The following RBMS3 variants were observed in gnomAD, a reference collection of about 807,000 sequenced individuals.
RBMS3 encodes RNA-binding motif, single-stranded-interacting protein 3.
Under a neutral mutation model 66.8 loss-of-function variants are expected in RBMS3, and 27 were observed. That is an observed-to-expected ratio of 0.40 (90% CI 0.30 to 0.56). The LOEUF is 0.56. Among genes scored for constraint, RBMS3 ranks in the 20% least tolerant of loss-of-function variants. The pLI is 0.40. For missense variants in RBMS3, 513 were observed against 549.5 expected, an observed-to-expected ratio of 0.93 and a Z score of 0.66; for synonymous variants, 188 against 183.0, an observed-to-expected ratio of 1.03 and a Z score of -0.22.
intron 1 of RBMS3, among the ~76,000 whole-genome samples, chr3:29,363,882 A>G (rs1039294177): frequency 6.6e-6 from 1 of 151,566 alleles, no homozygotes; most frequent in African/African-American, 2.4e-5. Flanking sequence ...TTTTTTTGCT[A>G]TCAAATAGGA....
chr3:29,720,742 T>C (rs1284920037), intron 4 of RBMS3, among the ~76,000 whole-genome samples: 17 of 134,766 alleles, frequency 1.3e-4, no homozygotes, highest in Admixed American at 1.2e-3. Context: ...TTTCATTCTA[T>C]GGTAATCTTT....
intron 10 of RBMS3, among the ~76,000 whole-genome samples, chr3:29,914,994 C>T (rs188223437): frequency 6.6e-6 from 1 of 151,766 alleles, no homozygotes; most frequent in East Asian, 1.9e-4. Flanking sequence ...AAGCAATAAA[C>T]CTTTGCCAAG....
intron 2 of RBMS3, among the ~76,000 whole-genome samples, chr3:29,460,194 C>A (rs1317654605): frequency 6.6e-6 from 1 of 152,190 alleles, no homozygotes; most frequent in Non-Finnish European, 1.5e-5. Context: ...AATATGTTCA[C>A]CATCCCAAAG....
At chr3:29,477,233 T>C (rs1866298) in intron 2 of RBMS3, among the ~76,000 whole-genome samples, 138,996 of 152,204 alleles carry the variant, frequency 0.91, 63,613 homozygotes, top group African/African-American at 0.97. Context: ...GAAGGAAATG[T>C]GCTCAATATA....
chr3:29,568,155 A>T (rs1356605966), intron 3 of RBMS3, among the ~76,000 whole-genome samples: 3 of 152,186 alleles, frequency 2.0e-5, no homozygotes, highest in Admixed American at 6.6e-5. Context: ...TCCTCAAATG[A>T]ACATTACTTT....
chr3:29,918,663 C>T (rs1170205017), intron 10 of RBMS3, among the ~76,000 whole-genome samples: 1 of 151,974 alleles, frequency 6.6e-6, no homozygotes, highest in Non-Finnish European at 1.5e-5. Flanking sequence ...ACTGTTTGCA[C>T]TTTATAAAAA....
At chr3:29,746,974 T>C (rs926776100) in intron 5 of RBMS3, among the ~76,000 whole-genome samples, 2 of 152,188 alleles carry the variant, frequency 1.3e-5, no homozygotes, top group African/African-American at 4.8e-5. Context: ...ACCTCCAGAT[T>C]AGAAATGGTG....
intron 2 of RBMS3, among the ~76,000 whole-genome samples, chr3:29,443,736 A>T (rs1461189445): frequency 6.6e-6 from 1 of 152,152 alleles, no homozygotes; most frequent in Non-Finnish European, 1.5e-5. Flanking sequence ...TACAGGAAGG[A>T]GGTGGTGATG....
chr3:29,943,156 G>A (rs893914025), intron 11 of RBMS3, among the ~76,000 whole-genome samples: 7 of 151,800 alleles, frequency 4.6e-5, no homozygotes, highest in Admixed American at 2.6e-4. Flanking sequence ...TGAGAAATAC[G>A]TGATAGTCCA....
chr3:29,653,198 G>C (rs2050203268), intron 4 of RBMS3, among the ~76,000 whole-genome samples: 1 of 152,126 alleles, frequency 6.6e-6, no homozygotes, highest in African/African-American at 2.4e-5. Context: ...TTCTAGATCT[G>C]TTGCTTATTA....
At chr3:29,921,487 T>A (rs4358261) in intron 10 of RBMS3, among the ~76,000 whole-genome samples, 20,483 of 101,270 alleles carry the variant, frequency 0.2, 1,835 homozygotes, top group Non-Finnish European at 0.25. Flanking sequence ...ACTGACAGAC[T>A]GTTTGGCAGG....
At chr3:29,739,598 A>G in intron 4 of RBMS3, 122 bp from the exon 5 acceptor site, 2 of 851,048 alleles carry the variant, frequency 2.4e-6, no homozygotes, top group South Asian at 2.7e-5. Flanking sequence ...CCCTAGTGAA[A>G]GCACTTTCAA....
At chr3:29,903,902 C>T (rs796958106) in intron 10 of RBMS3, among the ~76,000 whole-genome samples, 3 of 151,980 alleles carry the variant, frequency 2.0e-5, no homozygotes, top group African/African-American at 7.2e-5. Flanking sequence ...TTAATGAACC[C>T]TGAGTTTTCA....
At chr3:29,491,880 C>G (rs1320558241) in intron 3 of RBMS3, among the ~76,000 whole-genome samples, 1 of 152,004 alleles carries the variant, frequency 6.6e-6, no homozygotes, top group East Asian at 1.9e-4. Context: ...GTAGTCCCAG[C>G]TACTTGGGAG....
rs1461514968 is a variant in RBMS3 at position 30,005,089 on chromosome 3, G to C, written c.*1227G>C. 1 of 143,874 alleles carries C rather than the reference G, an allele frequency of 7.0e-6. No individual in the cohort carries two copies. Among genetic ancestry groups the C allele is most frequent in the Non-Finnish European group, 1.5e-5 (1 of 66,458 alleles). The allele number at this position is 143,874 out of a possible 1,614,324, so 8.9% of individuals were successfully genotyped here. ...AGTCCAGAAGATAGAGGTTGTTTTC[G>C]TTTCTTTTCTTTTTAAAAAAAAAAA... is the stretch of plus-strand genomic sequence containing the variant. On this transcript the variant is annotated 3_prime_UTR_variant, in exon 15 of 15. Coordinates refer to ENST00000383767, the MANE Select transcript of RBMS3 (RefSeq NM_001003793.3).
intron 10 of RBMS3, among the ~76,000 whole-genome samples, chr3:29,928,248 A>G (rs1189098731): frequency 2.0e-5 from 3 of 147,892 alleles, no homozygotes; most frequent in Non-Finnish European, 4.5e-5. Flanking sequence ...ATATATGTAT[A>G]TATGCATACA....
chr3:29,623,059 C>T (rs928923307), intron 4 of RBMS3, among the ~76,000 whole-genome samples: 4 of 143,422 alleles, frequency 2.8e-5, no homozygotes, highest in African/African-American at 7.9e-5. Context: ...TGCAGTGAGC[C>T]GAGATCGTAC....
chr3:29,303,548 T>G (rs913418956), intron 1 of RBMS3, among the ~76,000 whole-genome samples: 6 of 152,062 alleles, frequency 3.9e-5, no homozygotes, highest in African/African-American at 1.4e-4. Context: ...TTTCCCTTTT[T>G]AACTTTTATA....
chr3:29,999,409 C>G lies in RBMS3; in HGVS notation c.1308-4447C>G, dbSNP rs543512451. Among the ~76,000 whole-genome samples, 12 of 152,294 alleles carry G rather than the reference C, an allele frequency of 7.9e-5. No homozygotes were observed. In the East Asian group the frequency reaches 2.3e-3, roughly 29 times the overall value. On this transcript the variant is annotated intron_variant, in intron 14 of 14. Coordinates refer to ENST00000383767, the MANE Select transcript of RBMS3 (RefSeq NM_001003793.3). ...ACCATTTGACCCAGCCATCCCATTA[C>G]TGGGTATATACCCAAAGGATTATAA...
Sources: gnomAD v4.1 joint callset for allele counts (sites outside exome capture counted in the v4.1 genomes callset) on GRCh38, gnomAD v4.1.1 for gene constraint, MANE v1.5 for transcripts, NCBI Gene and HGNC (gene_info 2026-07-23, HGNC 2026-07-21) for gene names.